Variants in CNTFR observed in about 807,000 individuals in gnomAD.
CNTFR encodes the protein ciliary neurotrophic factor receptor subunit alpha.
A neutral mutation model predicts 40.4 loss-of-function variants in CNTFR; 12 were observed. The observed-to-expected ratio is 0.30, with a 90% CI of 0.19 to 0.48. The LOEUF (loss-of-function observed/expected upper bound fraction) is 0.48, where lower values mean the gene tolerates loss of function less well. Among genes scored for constraint, CNTFR ranks in the 20% least tolerant of loss-of-function variants. The probability of loss-of-function intolerance (pLI) is 0.99; values close to 1 mark genes in which losing one functional copy is unlikely to be tolerated. For synonymous variants in CNTFR, 202 were observed against 209.6 expected (o/e 0.96, Z 0.31); for missense variants, 414 against 506.8 (o/e 0.82, Z 1.76).
chr9:34,576,145 C>A (rs1189989145), intron 2 of CNTFR, among the ~76,000 whole-genome samples: 1 of 152,200 alleles, frequency 6.6e-6, no homozygotes, highest in Admixed American at 6.5e-5. Flanking sequence ...AGGGCCAGAG[C>A]TTCACAGACA....
chr9:34,577,783 CA>C (rs1170498769), intron 2 of CNTFR, among the ~76,000 whole-genome samples: 1 of 152,230 alleles, frequency 6.6e-6, no homozygotes, highest in African/African-American at 2.4e-5. Flanking sequence ...CAGGAAGTCC[CA>C]GTCCCTCCCA....
At chr9:34,588,121 GC>G (rs1827618261) in intron 1 of CNTFR, among the ~76,000 whole-genome samples, 1 of 151,648 alleles carries the variant, frequency 6.6e-6, no homozygotes, top group African/African-American at 2.4e-5. Context: ...TGGAGTATCA[GC>G]CCTGACAGTG....
rs1825894242 is a variant in CNTFR at position 34,557,473 on chromosome 9, C to T, written c.604+53G>A. ...GACATCCCCACCAATGGCACACATC[C>T]ACTTACATTCCCACTGGAGTAGGCA... is the stretch of plus-strand genomic sequence containing the variant. On this transcript the variant is annotated intron_variant, in intron 6 of 9. Coordinates refer to ENST00000378980, the MANE Select transcript of CNTFR (RefSeq NM_147164.3). The surrounding 1 kb of genome is among the most constrained non-coding windows in gnomAD (Gnocchi z 4.2). 6.3e-7 allele frequency: 1 copy of T among 1,591,602 alleles called. No homozygotes were observed.
At chr9:34,556,906 A>G (rs1825856718) in intron 6 of CNTFR, among the ~76,000 whole-genome samples, 2 of 152,162 alleles carry the variant, frequency 1.3e-5, no homozygotes, top group Admixed American at 6.5e-5. Context: ...GGTGTTGCAG[A>G]TCTGGAGGTA....
intron 3 of CNTFR, among the ~76,000 whole-genome samples, chr9:34,565,759 G>A (rs762688059): frequency 2.0e-5 from 3 of 152,200 alleles, no homozygotes; most frequent in African/African-American, 4.8e-5. Context: ...AGCACGAAGT[G>A]GGGGAAGCGA....
chr9:34,564,949 G>A (rs756731083), intron 3 of CNTFR, 117 bp from the exon 4 acceptor site: 9 of 803,820 alleles, frequency 1.1e-5, no homozygotes, highest in East Asian at 2.7e-5. Flanking sequence ...CGAGAGGCTC[G>A]GTGTCTGTGT....
chr9:34,582,185 G>C (rs1486855174), intron 1 of CNTFR: 1 of 151,570 alleles, frequency 6.6e-6, no homozygotes, highest in Non-Finnish European at 1.5e-5. Flanking sequence ...TGAGGTGGGA[G>C]GGTCACTTGA....
intron 1 of CNTFR, among the ~76,000 whole-genome samples, chr9:34,586,817 G>A (rs1827567212): frequency 6.6e-6 from 1 of 152,174 alleles, no homozygotes; most frequent in African/African-American, 2.4e-5. Flanking sequence ...TGAGGGACGT[G>A]ACCAAATGTG....
intron 4 of CNTFR, among the ~76,000 whole-genome samples, chr9:34,563,858 T>C (rs1487559523): frequency 6.6e-6 from 1 of 152,026 alleles, no homozygotes; most frequent in Non-Finnish European, 1.5e-5. Context: ...CCTACCTTGG[T>C]TTTTCTCCAT....
chr9:34,566,446 G>A (rs991272155), intron 3 of CNTFR, among the ~76,000 whole-genome samples: 1 of 152,272 alleles, frequency 6.6e-6, no homozygotes, highest in Non-Finnish European at 1.5e-5. Context: ...GGCTGGACCA[G>A]ACACTAAACA....
rs146387952 is a variant in CNTFR at position 34,557,192 on chromosome 9, TGG to T, written c.604+332_604+333del. Among the ~76,000 whole-genome samples, 6 of 134,894 alleles carry T rather than the reference TGG, an allele frequency of 4.4e-5. No individual in the cohort carries two copies. The highest frequency in any genetic ancestry group is 9.4e-5 in the Non-Finnish European group (6 of 63,532). The allele number at this position is 134,894 out of a possible 152,430, so 88.5% of individuals were successfully genotyped here. The stretch of plus-strand genomic sequence containing the variant: ...CAGTCCGTAAGGAAGCCATTAGAGT[TGG>T]GGGGGGGTGCGGTGGAGGCTGCAGC... On this transcript the variant is annotated intron_variant, in intron 6 of 9. Coordinates refer to ENST00000378980, the MANE Select transcript of CNTFR (RefSeq NM_147164.3). The surrounding 1 kb of genome is among the most constrained non-coding windows in gnomAD (Gnocchi z 4.2).
chr9:34,574,718 T>A (rs537069215), intron 2 of CNTFR, among the ~76,000 whole-genome samples: 1 of 152,262 alleles, frequency 6.6e-6, no homozygotes, highest in East Asian at 1.9e-4. Flanking sequence ...GGAGATGGGG[T>A]CCTGGAGGGG....
chr9:34,588,108 A>G (rs1200390480), intron 1 of CNTFR, among the ~76,000 whole-genome samples: 3 of 151,806 alleles, frequency 2.0e-5, no homozygotes, highest in Non-Finnish European at 4.4e-5. Flanking sequence ...TCAGGGTCTC[A>G]GTTGGAGTAT....
chr9:34,551,911 GC>G lies in CNTFR; in HGVS notation c.*159del. 1.4e-6 allele frequency: 1 copy of G among 708,814 alleles called. No individual in the cohort carries two copies. The highest frequency in any genetic ancestry group is 1.5e-5 in the South Asian group (1 of 66,826). 43.9% of individuals were successfully genotyped at this position (708,814 alleles called of 1,614,324 possible). On this transcript the variant is annotated 3_prime_UTR_variant, in exon 10 of 10. Transcript: ENST00000378980. ...CAGCTTGGTGCGGCAGGGCTGGGGG[GC>G]GGCAGGCCCGGGCCCGCCGGGGTCT... is the stretch of plus-strand genomic sequence containing the variant.
chr9:34,552,367 C>G lies in CNTFR; in HGVS notation c.950-38G>C. The G allele has an allele frequency of 6.6e-7, 1 of 1,520,752 alleles. No individual in the cohort carries two copies. Among genetic ancestry groups the G allele is most frequent in the Non-Finnish European group, 8.8e-7 (1 of 1,137,902 alleles). 94.2% of individuals were successfully genotyped at this position (1,520,752 alleles called of 1,614,324 possible). A position where few individuals can be genotyped will look rare whatever the true frequency, so the allele number is the denominator to read the frequency against. ...GGGGAAACTCAGGGCAAGGCCAGGG[C>G]TGGGTCCCATCCAGATCTGGGGGCT... is the stretch of plus-strand genomic sequence containing the variant. On this transcript the variant is annotated intron_variant, in intron 8 of 9. Coordinates refer to ENST00000378980, the MANE Select transcript of CNTFR (RefSeq NM_147164.3). The surrounding 1 kb of genome is among the most constrained non-coding windows in gnomAD (Gnocchi z 5.1).
intron 2 of CNTFR, among the ~76,000 whole-genome samples, chr9:34,572,505 G>A (rs1826712849): frequency 6.6e-6 from 1 of 152,110 alleles, no homozygotes; most frequent in South Asian, 2.1e-4. Context: ...AACAGAGGGG[G>A]TACCCCATAA....
chr9:34,559,299 A>T (rs1825973609), intron 4 of CNTFR, among the ~76,000 whole-genome samples: 2 of 152,094 alleles, frequency 1.3e-5, no homozygotes, highest in South Asian at 4.1e-4. Flanking sequence ...TGATGCTGGG[A>T]GGGGCCTGGG....
At chr9:34,586,635 G>T (rs1827557791) in intron 1 of CNTFR, among the ~76,000 whole-genome samples, 1 of 152,098 alleles carries the variant, frequency 6.6e-6, no homozygotes, top group Admixed American at 6.5e-5. Context: ...AAGGGGGATG[G>T]GTATGCATTG....
In CNTFR at chr9:34,557,730, C is replaced by T. The variant is rs985427203; in HGVS notation, c.438-38G>A. On this transcript the variant is annotated intron_variant, in intron 5 of 9. Coordinates refer to ENST00000378980, the MANE Select transcript of CNTFR (RefSeq NM_147164.3). The surrounding 1 kb of genome is among the most constrained non-coding windows in gnomAD (Gnocchi z 4.2). The stretch of plus-strand genomic sequence containing the variant: ...GAGACCCAGGCACTGTTACGAACAT[C>T]AAGGGTCAGGTGGGGCAGAGGTTGA... 5 of 1,612,802 alleles carry T rather than the reference C, an allele frequency of 3.1e-6. No homozygotes were observed. Among genetic ancestry groups the T allele is most frequent in the Non-Finnish European group, 4.2e-6 (5 of 1,178,896 alleles).
Sources: gnomAD v4.1 joint callset for allele counts (sites outside exome capture counted in the v4.1 genomes callset) on GRCh38, gnomAD v4.1.1 for gene constraint, Gnocchi (gnomAD v3.1) non-coding constraint, MANE v1.5 for transcripts, NCBI Gene and HGNC (gene_info 2026-07-23, HGNC 2026-07-21) for gene names.